Variants in AAMP observed in about 807,000 individuals in gnomAD.
AAMP encodes angio associated migratory cell protein, also known as angio-associated migratory cell protein.
In AAMP, 12 loss-of-function variants were observed where a neutral mutation model predicts 51.1. The observed-to-expected ratio is 0.23, with a 90% CI of 0.15 to 0.38. The LOEUF (loss-of-function observed/expected upper bound fraction) is 0.38, where lower values mean the gene tolerates loss of function less well. Among genes scored for constraint, AAMP ranks in the 10% least tolerant of loss-of-function variants. AAMP has a pLI of 1.00. For missense variants in AAMP, 418 were observed against 557.2 expected (o/e 0.75, Z 2.52); for synonymous variants, 210 against 218.7 (o/e 0.96, Z 0.35).
At position 218,266,859 on chromosome 2, in the gene AAMP, C is replaced by T. The variant is rs751825489; in HGVS notation, c.522G>A (p.Ala174=). ...DTKEEVWSFE[A]GDLEWMEWHP... is the part of the protein sequence containing the mutation. ...CTGATGATCTTACCTCCAGGTCTCC[C>T]GCTTCAAAGGACCAGACCTCCTCCT... The change falls in exon 4 of 11, where the codon GCG becomes GCA. Residue 174 remains alanine (A), a synonymous_variant. Coordinates refer to ENST00000248450, the MANE Select transcript of AAMP (RefSeq NM_001087.5). This position sits in a 1 kb window ranked among gnomAD's most constrained non-coding sequence, Gnocchi z 4.7. 82 of 1,614,032 alleles carry T rather than the reference C, an allele frequency of 5.1e-5. No individual in the cohort carries two copies. Among genetic ancestry groups the T allele is most frequent in the Middle Eastern group, 1.6e-4 (1 of 6,062 alleles).
chr2:218,268,075 T>C (rs1292048177), intron 2 of AAMP, among the ~76,000 whole-genome samples: 3 of 151,662 alleles, frequency 2.0e-5, no homozygotes, highest in Non-Finnish European at 4.4e-5. Context: ...TTCAAGCAAT[T>C]CTCCTGCCTC....
In AAMP at chr2:218,264,415, A is replaced by G; in HGVS notation, c.*118T>C. ...GAGCAAGTCAGTTGAAGAGGCTGGA[A>G]AGTCATCCAGGGCCCCACCCTCCTC... is the stretch of plus-strand genomic sequence containing the variant. On this transcript the variant is annotated 3_prime_UTR_variant, in exon 11 of 11. Coordinates refer to ENST00000248450, the MANE Select transcript of AAMP (RefSeq NM_001087.5). The G allele has an allele frequency of 2.0e-6, 2 of 976,870 alleles. No homozygotes were observed. Among genetic ancestry groups the G allele is most frequent in the Non-Finnish European group, 3.2e-6 (2 of 615,826 alleles). 60.5% of individuals were successfully genotyped at this position (976,870 alleles called of 1,614,324 possible).
Position 218,267,460 on chromosome 2 carries a change from G to A in AAMP, c.394+34C>T. On this transcript the variant is annotated intron_variant, in intron 3 of 10. Coordinates refer to ENST00000248450, the MANE Select transcript of AAMP (RefSeq NM_001087.5). This position sits in a 1 kb window ranked among gnomAD's most constrained non-coding sequence, Gnocchi z 4.6. ...CTCCTAAGATCTCCCAAAAGAATATGACCTCTCCCAGGCCTCTACCCCAGC... is the reference window on the plus strand; with the variant it reads ...CTCCTAAGATCTCCCAAAAGAATATAACCTCTCCCAGGCCTCTACCCCAGC... 1 of 1,611,296 alleles carries A rather than the reference G, an allele frequency of 6.2e-7. No individual in the cohort carries two copies. The highest frequency in any genetic ancestry group is 1.7e-4 in the Middle Eastern group (1 of 5,834).
Position 218,266,361 on chromosome 2 carries a change from C to A in AAMP, c.679+82G>T. On this transcript the variant is annotated intron_variant, in intron 5 of 10. Coordinates refer to ENST00000248450, the MANE Select transcript of AAMP (RefSeq NM_001087.5). This position sits in a 1 kb window ranked among gnomAD's most constrained non-coding sequence, Gnocchi z 4.7. ...GGCCTCAGATTTTGCCGGCTGTGAC[C>A]CAGAAGGCTGCTCTGGGAGGTGTAT... 1 of 1,561,194 alleles carries A rather than the reference C, an allele frequency of 6.4e-7. No individual in the cohort carries two copies. Among genetic ancestry groups the A allele is most frequent in the Non-Finnish European group, 8.7e-7 (1 of 1,147,728 alleles).
At position 218,269,363 on chromosome 2, in the gene AAMP, G is replaced by A; in HGVS notation, c.274+19C>T. 2 of 1,613,264 alleles carry A rather than the reference G, an allele frequency of 1.2e-6. No homozygotes were observed. The highest frequency in any genetic ancestry group is 1.1e-5 in the South Asian group (1 of 91,042). ...CGCCCACCTAAACTGATTTGAGGTG[G>A]ATCGCCTCAAAGACCTACCTGAGTG... is the stretch of plus-strand genomic sequence containing the variant. On this transcript the variant is annotated intron_variant, in intron 2 of 10. Coordinates refer to ENST00000248450, the MANE Select transcript of AAMP (RefSeq NM_001087.5).
Position 218,267,642 on chromosome 2 carries a change from G to T in AAMP, c.275-29C>A, listed in dbSNP as rs369200224. On this transcript the variant is annotated intron_variant, in intron 2 of 10. Coordinates refer to ENST00000248450, the MANE Select transcript of AAMP (RefSeq NM_001087.5). This position sits in a 1 kb window ranked among gnomAD's most constrained non-coding sequence, Gnocchi z 4.6. ...TCCCAAGAGATATTCCATGGGTAAG[G>T]GGACAGAGCTCCCACCTAGGGCTCT... 398 of 1,613,840 alleles carry T rather than the reference G, an allele frequency of 2.5e-4. No homozygotes were observed. In the African/African-American group the frequency reaches 4.6e-3, roughly 19 times the overall value.
Position 218,266,325 on chromosome 2 carries a change from T to C in AAMP, c.679+118A>G. ...ACTTTGGGGCCCAGGAGGTCAGCACTGCAAACAGCAGGCCTCAGATTTTGC... is the reference window on the plus strand; with the variant it reads ...ACTTTGGGGCCCAGGAGGTCAGCACCGCAAACAGCAGGCCTCAGATTTTGC... On this transcript the variant is annotated intron_variant, in intron 5 of 10. Transcript: ENST00000248450. The surrounding 1 kb of genome is among the most constrained non-coding windows in gnomAD (Gnocchi z 4.7). 4 of 1,468,638 alleles carry C rather than the reference T, an allele frequency of 2.7e-6. No individual in the cohort carries two copies. The highest frequency in any genetic ancestry group is 3.7e-6 in the Non-Finnish European group (4 of 1,074,510). The allele number at this position is 1,468,638 out of a possible 1,614,324, so 91.0% of individuals were successfully genotyped here.
intron 1 of AAMP, 130 bp downstream of exon 1, chr2:218,269,836 G>A (rs755260886): frequency 2.1e-6 from 3 of 1,404,648 alleles, no homozygotes; most frequent in Non-Finnish European, 2.9e-6. Context: ...GGGTGGGAGT[G>A]GGGGAGGAGG....
At position 218,266,305 on chromosome 2, in the gene AAMP, G is replaced by T; in HGVS notation, c.679+138C>A. 1 of 1,379,228 alleles carries T rather than the reference G, an allele frequency of 7.3e-7. No individual in the cohort carries two copies. Among genetic ancestry groups the T allele is most frequent in the East Asian group, 2.3e-5 (1 of 42,674 alleles). 85.4% of individuals were successfully genotyped at this position (1,379,228 alleles called of 1,614,324 possible). A position where few individuals can be genotyped will look rare whatever the true frequency, so the allele number is the denominator to read the frequency against. ...GCAGGAAGGAGGCGCTGTGAACTTT[G>T]GGGCCCAGGAGGTCAGCACTGCAAA... On this transcript the variant is annotated intron_variant, in intron 5 of 10. Coordinates refer to ENST00000248450, the MANE Select transcript of AAMP (RefSeq NM_001087.5). The surrounding 1 kb of genome is among the most constrained non-coding windows in gnomAD (Gnocchi z 4.7).
chr2:218,266,348 T>C lies in AAMP; in HGVS notation c.679+95A>G. The C allele has an allele frequency of 4.6e-6, 7 of 1,530,350 alleles. No individual in the cohort carries two copies. The highest frequency in any genetic ancestry group is 6.2e-6 in the Non-Finnish European group (7 of 1,125,134). The allele number at this position is 1,530,350 out of a possible 1,614,324, so 94.8% of individuals were successfully genotyped here. A position where few individuals can be genotyped will look rare whatever the true frequency, so the allele number is the denominator to read the frequency against. ...ACTGCAAACAGCAGGCCTCAGATTT[T>C]GCCGGCTGTGACCCAGAAGGCTGCT... On this transcript the variant is annotated intron_variant, in intron 5 of 10. Transcript: ENST00000248450. The surrounding 1 kb of genome is among the most constrained non-coding windows in gnomAD (Gnocchi z 4.7).
chr2:218,269,248 C>T (rs1690719671), intron 2 of AAMP, 134 bp downstream of exon 2: 1 of 1,179,608 alleles, frequency 8.5e-7, no homozygotes, highest in African/African-American at 1.5e-5. Context: ...CACTTTCCCA[C>T]CTGTGGGCTC....
In AAMP at chr2:218,264,435, C is replaced by T. The variant is rs911552650; in HGVS notation, c.*98G>A. On this transcript the variant is annotated 3_prime_UTR_variant, in exon 11 of 11. Coordinates refer to ENST00000248450, the MANE Select transcript of AAMP (RefSeq NM_001087.5). ...CTGGAAAGTCATCCAGGGCCCCACCCTCCTCTTCCCTCTGTGCCCTACTGC... is the reference window on the plus strand; with the variant it reads ...CTGGAAAGTCATCCAGGGCCCCACCTTCCTCTTCCCTCTGTGCCCTACTGC... 2.5e-6 allele frequency: 3 copies of T among 1,193,452 alleles called. No homozygotes were observed. The highest frequency in any genetic ancestry group is 3.7e-6 in the Non-Finnish European group (3 of 802,626). 73.9% of individuals were successfully genotyped at this position (1,193,452 alleles called of 1,614,324 possible).
At position 218,265,676 on chromosome 2, in the gene AAMP, C is replaced by A. The variant is rs1280087451; in HGVS notation, c.886G>T (p.Gly296Cys). 11 of 1,612,578 alleles carry A rather than the reference C, an allele frequency of 6.8e-6. No homozygotes were observed. In the African/African-American group the frequency reaches 1.3e-4, roughly 20 times the overall value. ...GCCACAGTCTCAGGTCTAAAAACACCCACCACCTGAAAGCCAGAGAGGATC... is the reference window on the plus strand; with the variant it reads ...GCCACAGTCTCAGGTCTAAAAACACACACCACCTGAAAGCCAGAGAGGATC... ...LVSATTGKVV[G>C]VFRPETVASQ... The change falls in exon 8 of 11, where the codon GGT (glycine) becomes TGT (cysteine). Residue 296 changes from glycine to cysteine, a missense_variant. Gly to Cys is a radical substitution (Grantham distance 159). Coordinates refer to ENST00000248450, the MANE Select transcript of AAMP (RefSeq NM_001087.5). The surrounding 1 kb of genome is among the most constrained non-coding windows in gnomAD (Gnocchi z 6.6).
chr2:218,269,447 T>C lies in AAMP; in HGVS notation c.209A>G (p.Gln70Arg). The C allele has an allele frequency of 6.2e-7, 1 of 1,614,218 alleles. No individual in the cohort carries two copies. The highest frequency in any genetic ancestry group is 8.5e-7 in the Non-Finnish European group (1 of 1,180,030). ...GNEEGWVLEPQEGVVGSMEGP... is the reference protein window; with the variant it reads ...GNEEGWVLEPREGVVGSMEGP... ...CTCCATGCTGCCGACCACCCCTTCC[T>C]GGGGTTCTAGAACCCAGCCCTCTTC... Residue 70 changes from glutamine (Q) to arginine (R), a missense_variant, in exon 2 of 11, where the codon CAG becomes CGG. By Grantham distance (43) the Gln-to-Arg change is conservative (BLOSUM62 1). Coordinates refer to ENST00000248450, the MANE Select transcript of AAMP (RefSeq NM_001087.5).
chr2:218,266,427 A>G lies in AAMP; in HGVS notation c.679+16T>C, dbSNP rs1354573738. On this transcript the variant is annotated intron_variant, in intron 5 of 10. Transcript: ENST00000248450. The surrounding 1 kb of genome is among the most constrained non-coding windows in gnomAD (Gnocchi z 4.7). The stretch of plus-strand genomic sequence containing the variant: ...CTCTGCACCCAGGAAAGGTCACTCA[A>G]GGGAGGTGCTCTCACCATCAGGGAG... The G allele has an allele frequency of 6.2e-7, 1 of 1,612,350 alleles. No individual in the cohort carries two copies. Among genetic ancestry groups the G allele is most frequent in the Non-Finnish European group, 8.5e-7 (1 of 1,178,750 alleles).
rs936128263 is a variant in AAMP, at chr2:218,265,744, G to A, written c.880-62C>T. 100 of 1,573,974 alleles carry A rather than the reference G, an allele frequency of 6.4e-5. 1 individual carries two copies. In the South Asian group the frequency reaches 1.0e-3, roughly 16 times the overall value. ...CCGGGTGCTTGATGGAGAGAAAGAC[G>A]GTGGGGAGAGGAGACAGTGAAGACC... On this transcript the variant is annotated intron_variant, in intron 7 of 10. Coordinates refer to ENST00000248450, the MANE Select transcript of AAMP (RefSeq NM_001087.5). This position sits in a 1 kb window ranked among gnomAD's most constrained non-coding sequence, Gnocchi z 6.6.
chr2:218,264,368 T>C lies in AAMP; in HGVS notation c.*165A>G. On this transcript the variant is annotated 3_prime_UTR_variant, in exon 11 of 11. Transcript: ENST00000248450. Reference sequence around the variant, plus strand: ...GTGGGAGGGCCCTGGGCTGGGTCTCTAAAGAGAAGAAAAGGAGAGGGGAGC... The same window carrying C: ...GTGGGAGGGCCCTGGGCTGGGTCTCCAAAGAGAAGAAAAGGAGAGGGGAGC... 1 of 697,706 alleles carries C rather than the reference T, an allele frequency of 1.4e-6. No individual in the cohort carries two copies. The allele number at this position is 697,706 out of a possible 1,614,324, so 43.2% of individuals were successfully genotyped here.
In AAMP at chr2:218,267,441, A is replaced by G; in HGVS notation, c.394+53T>C. On this transcript the variant is annotated intron_variant, in intron 3 of 10. Transcript: ENST00000248450. This position sits in a 1 kb window ranked among gnomAD's most constrained non-coding sequence, Gnocchi z 4.6. ...ACAACCTCTGCAGGTCAGCCTCCTAAGATCTCCCAAAAGAATATGACCTCT... is the reference window on the plus strand; with the variant it reads ...ACAACCTCTGCAGGTCAGCCTCCTAGGATCTCCCAAAAGAATATGACCTCT... 6.2e-7 allele frequency: 1 copy of G among 1,604,258 alleles called. No individual in the cohort carries two copies. The highest frequency in any genetic ancestry group is 8.5e-7 in the Non-Finnish European group (1 of 1,173,236).
Position 218,264,531 on chromosome 2 carries a change from C to T in AAMP, c.*2G>A. 4 of 1,614,028 alleles carry T rather than the reference C, an allele frequency of 2.5e-6. No individual in the cohort carries two copies. The highest frequency in any genetic ancestry group is 3.4e-6 in the Non-Finnish European group (4 of 1,179,864). On this transcript the variant is annotated 3_prime_UTR_variant, in exon 11 of 11. Coordinates refer to ENST00000248450, the MANE Select transcript of AAMP (RefSeq NM_001087.5). ...CAGACACACAGGCAGGGGCTGCAGCCATTAACGGTCAGGCCTTTGGACACA... is the reference window on the plus strand; with the variant it reads ...CAGACACACAGGCAGGGGCTGCAGCTATTAACGGTCAGGCCTTTGGACACA...
Sources: gnomAD v4.1 joint callset for allele counts (sites outside exome capture counted in the v4.1 genomes callset) on GRCh38, gnomAD v4.1.1 for gene constraint, Gnocchi (gnomAD v3.1) non-coding constraint, MANE v1.5 for transcripts, NCBI Gene and HGNC (gene_info 2026-07-23, HGNC 2026-07-21) for gene names.